The following CNTNAP2 variants were observed in gnomAD, a reference collection of about 807,000 sequenced individuals.
The protein encoded by CNTNAP2 is contactin associated protein 2.
In CNTNAP2, 98 loss-of-function variants were observed where a neutral mutation model predicts 155.2. The observed-to-expected ratio is 0.63, with a 90% CI of 0.54 to 0.75. The LOEUF is 0.75. CNTNAP2 is among the 30% of genes least tolerant of loss of function. CNTNAP2 has a pLI of 0.00. For synonymous variants in CNTNAP2, 651 were observed against 631.2 expected (o/e 1.03, Z -0.47); for missense variants, 1,727 against 1,688.1 (o/e 1.02, Z -0.40).
At chr7:147,560,167 T>C (rs1244832147) in intron 11 of CNTNAP2, among the ~76,000 whole-genome samples, 2 of 14,570 alleles carry the variant, frequency 1.4e-4, no homozygotes, top group African/African-American at 3.5e-4. Flanking sequence ...AAACTCCGTC[T>C]CAAAAAAAAA....
At chr7:148,379,558 A>C (rs1799006183) in intron 21 of CNTNAP2, among the ~76,000 whole-genome samples, 1 of 152,108 alleles carries the variant, frequency 6.6e-6, no homozygotes, top group South Asian at 2.1e-4. Flanking sequence ...TACTAAAAAA[A>C]AAAATTAGTC....
chr7:148,107,710 C>A (rs983775742), intron 15 of CNTNAP2, among the ~76,000 whole-genome samples: 1 of 152,152 alleles, frequency 6.6e-6, no homozygotes, highest in South Asian at 2.1e-4. Context: ...TGTCCACAGT[C>A]CCCAGCTCAC....
intron 1 of CNTNAP2, among the ~76,000 whole-genome samples, chr7:146,171,423 C>G (rs144922390): frequency 6.6e-6 from 1 of 152,104 alleles, no homozygotes; most frequent in African/African-American, 2.4e-5. Context: ...AGTATACATA[C>G]AAGCAGGTTT....
At chr7:147,959,953 A>G (rs1056395446) in intron 14 of CNTNAP2, among the ~76,000 whole-genome samples, 11 of 152,134 alleles carry the variant, frequency 7.2e-5, no homozygotes, top group African/African-American at 2.4e-4. Flanking sequence ...CTCTCATCCT[A>G]TTCAAAACTA....
chr7:147,355,922 C>A (rs1481819624), intron 9 of CNTNAP2, among the ~76,000 whole-genome samples: 1 of 152,086 alleles, frequency 6.6e-6, no homozygotes, highest in Non-Finnish European at 1.5e-5. Context: ...AGACTCCTCC[C>A]TAACTCATTT....
At chr7:146,577,985 G>T (rs927253379) in intron 1 of CNTNAP2, among the ~76,000 whole-genome samples, 1 of 152,082 alleles carries the variant, frequency 6.6e-6, no homozygotes, top group African/African-American at 2.4e-5. Flanking sequence ...GGTCAAAGTT[G>T]TTGCAGCATA....
chr7:147,871,158 A>G (rs1285898653), intron 13 of CNTNAP2, among the ~76,000 whole-genome samples: 1 of 152,190 alleles, frequency 6.6e-6, no homozygotes, highest in African/African-American at 2.4e-5. Flanking sequence ...ATTTAATGGG[A>G]AAATAATTTA....
chr7:147,087,846 G>A (rs983148565), intron 4 of CNTNAP2, among the ~76,000 whole-genome samples: 6 of 151,958 alleles, frequency 3.9e-5, no homozygotes, highest in East Asian at 3.9e-4. Flanking sequence ...GCATGGTGGC[G>A]CACACCTGTA....
At chr7:146,891,944 C>T (rs1482217387) in intron 3 of CNTNAP2, among the ~76,000 whole-genome samples, 1 of 152,188 alleles carries the variant, frequency 6.6e-6, no homozygotes, top group Non-Finnish European at 1.5e-5. Context: ...ATTGGCACCT[C>T]TTCCCACCTA....
At chr7:147,523,539 T>A (rs1799265413) in intron 11 of CNTNAP2, among the ~76,000 whole-genome samples, 1 of 152,166 alleles carries the variant, frequency 6.6e-6, no homozygotes, top group African/African-American at 2.4e-5. Flanking sequence ...TTTCCTACCT[T>A]GTCTGGATAA....
intron 14 of CNTNAP2, among the ~76,000 whole-genome samples, chr7:147,934,135 A>G (rs1458976709): frequency 6.6e-6 from 1 of 152,232 alleles, no homozygotes; most frequent in East Asian, 1.9e-4. Context: ...CGTAGTGCTT[A>G]CGGTTAACAA....
chr7:147,133,226 GAA>G (rs1265711196), intron 8 of CNTNAP2, among the ~76,000 whole-genome samples: 3 of 152,064 alleles, frequency 2.0e-5, no homozygotes, highest in Admixed American at 6.6e-5. Flanking sequence ...TATAAGCAAA[GAA>G]AAATTAGTCT....
At chr7:146,264,514 G>A (rs1397117279) in intron 1 of CNTNAP2, among the ~76,000 whole-genome samples, 1 of 151,894 alleles carries the variant, frequency 6.6e-6, no homozygotes, top group Non-Finnish European at 1.5e-5. Context: ...AGTAAATTGA[G>A]TAACTTAATA....
At chr7:147,047,826 C>T (rs77507700) in intron 4 of CNTNAP2, among the ~76,000 whole-genome samples, 10,226 of 152,162 alleles carry the variant, frequency 0.067, 425 homozygotes, top group Middle Eastern at 0.13. Context: ...GAGACTTTTC[C>T]ACTGTATAAG....
At chr7:146,684,718 T>A (rs1345903527) in intron 1 of CNTNAP2, among the ~76,000 whole-genome samples, 1 of 148,558 alleles carries the variant, frequency 6.7e-6, no homozygotes, top group African/African-American at 2.4e-5. Flanking sequence ...TTACTATTAT[T>A]ACCTATTTGA....
chr7:147,515,907 G>A (rs1275418016), intron 11 of CNTNAP2, among the ~76,000 whole-genome samples: 1 of 152,146 alleles, frequency 6.6e-6, no homozygotes, highest in African/African-American at 2.4e-5. Flanking sequence ...TTTTCAGTTG[G>A]AAAATATTGA....
rs193018144 is a variant in CNTNAP2, at chr7:146,839,444, A to G, written c.209-267A>G. Among the ~76,000 whole-genome samples, 213 of 151,830 alleles carry G rather than the reference A, an allele frequency of 1.4e-3. 1 individual carries two copies. The highest frequency in any genetic ancestry group is 4.9e-3 in the African/African-American group (201 of 41,110). ...AGCCAATTAGACTTTGACATGTACT[A>G]ATAAGATCTAATTGAGGAATTATGA... On this transcript the variant is annotated intron_variant, in intron 2 of 23. Coordinates refer to ENST00000361727, the MANE Select transcript of CNTNAP2 (RefSeq NM_014141.6).
intron 1 of CNTNAP2, among the ~76,000 whole-genome samples, chr7:146,444,651 T>C (rs370640502): frequency 2.7e-5 from 4 of 148,868 alleles, no homozygotes; most frequent in Non-Finnish European, 5.9e-5. Flanking sequence ...AATCCATAGA[T>C]CCTCTCTCTC....
At chr7:146,447,712 G>A (rs1324291409) in intron 1 of CNTNAP2, among the ~76,000 whole-genome samples, 1 of 151,866 alleles carries the variant, frequency 6.6e-6, no homozygotes, top group Non-Finnish European at 1.5e-5. Context: ...AATAATCACA[G>A]AAGTATTTAT....
Sources: gnomAD v4.1 joint callset for allele counts (sites outside exome capture counted in the v4.1 genomes callset) on GRCh38, gnomAD v4.1.1 for gene constraint, MANE v1.5 for transcripts, NCBI Gene and HGNC (gene_info 2026-07-23, HGNC 2026-07-21) for gene names.